The following NCAM1 variants were observed in gnomAD, a reference collection of about 807,000 sequenced individuals.
NCAM1 encodes the protein neural cell adhesion molecule 1.
NCAM1 carries 14 observed loss-of-function variants against 109.8 expected under a neutral mutation model. That is an observed-to-expected ratio of 0.13 (90% CI 0.08 to 0.20). The LOEUF (loss-of-function observed/expected upper bound fraction) is 0.20, where lower values mean the gene tolerates loss of function less well. NCAM1 is among the 10% of genes least tolerant of loss of function. The pLI is 1.00. For missense variants in NCAM1, 774 were observed against 1,109.9 expected, an observed-to-expected ratio of 0.70 and a Z score of 4.30; for synonymous variants, 418 against 442.9, an observed-to-expected ratio of 0.94 and a Z score of 0.70.
intron 1 of NCAM1, among the ~76,000 whole-genome samples, chr11:113,193,043 T>A (rs1943733035): frequency 6.6e-6 from 1 of 152,228 alleles, no homozygotes. Context: ...TATATAAGAC[T>A]GGGCTGATGT....
In NCAM1 at chr11:113,229,281, A is replaced by G. The variant is rs1944934829; in HGVS notation, c.1090-2364A>G. 2.0e-5 allele frequency among the ~76,000 whole-genome samples: 3 copies of G among 152,232 alleles called. No individual in the cohort carries two copies. In the South Asian group the frequency reaches 6.2e-4, roughly 31 times the overall value. ...ATCAAAAAGTGGGCAAAGGATATGA[A>G]CGACACTTCTCAAAAGAAGATATTT... On this transcript the variant is annotated intron_variant, in intron 9 of 19. Coordinates refer to ENST00000316851, the MANE Select transcript of NCAM1 (RefSeq NM_181351.5).
chr11:113,215,969 T>C (rs1944515440), intron 8 of NCAM1, among the ~76,000 whole-genome samples: 1 of 152,296 alleles, frequency 6.6e-6, no homozygotes, highest in Non-Finnish European at 1.5e-5. Flanking sequence ...CCAGTGTATA[T>C]CTTTGACCTA....
At chr11:113,109,973 T>C (rs1555093314) in intron 1 of NCAM1, among the ~76,000 whole-genome samples, 1 of 152,188 alleles carries the variant, frequency 6.6e-6, no homozygotes, top group Non-Finnish European at 1.5e-5. Flanking sequence ...CATGCATACA[T>C]ATACAGGGAG....
intron 1 of NCAM1, among the ~76,000 whole-genome samples, chr11:113,097,853 T>C (rs1156787167): frequency 6.6e-6 from 1 of 152,178 alleles, no homozygotes; most frequent in Non-Finnish European, 1.5e-5. Flanking sequence ...TTGTGTTAAG[T>C]GTATGAGAAA....
chr11:113,062,971 A>G (rs1937745959), intron 1 of NCAM1, among the ~76,000 whole-genome samples: 2 of 152,100 alleles, frequency 1.3e-5, no homozygotes, highest in South Asian at 4.2e-4. Flanking sequence ...CCATCTCACA[A>G]AAAAGGAAGG....
chr11:113,077,157 G>A (rs1345968600), intron 1 of NCAM1, among the ~76,000 whole-genome samples: 1 of 152,144 alleles, frequency 6.6e-6, no homozygotes, highest in Non-Finnish European at 1.5e-5. Flanking sequence ...GGTGGAGGAG[G>A]CAGAATTGTC....
chr11:113,001,033 A>G (rs1951741665), intron 1 of NCAM1, among the ~76,000 whole-genome samples: 1 of 152,102 alleles, frequency 6.6e-6, no homozygotes, highest in Non-Finnish European at 1.5e-5. Flanking sequence ...AAATCCCAAA[A>G]TAGAAATTCT....
intron 9 of NCAM1, among the ~76,000 whole-genome samples, chr11:113,228,636 G>A (rs1944916546): frequency 6.6e-6 from 1 of 152,138 alleles, no homozygotes; most frequent in African/African-American, 2.4e-5. Context: ...TCAATCCTAA[G>A]CCAAAAGAAC....
At chr11:113,139,418 C>CTT (rs111460129) in intron 1 of NCAM1, among the ~76,000 whole-genome samples, 4 of 147,970 alleles carry the variant, frequency 2.7e-5, no homozygotes, top group African/African-American at 5.0e-5. Context: ...CACATGAAGT[C>CTT]TTTTTTTTTT....
chr11:112,982,866 G>A (rs187673064), intron 1 of NCAM1, among the ~76,000 whole-genome samples: 7 of 151,970 alleles, frequency 4.6e-5, no homozygotes, highest in East Asian at 3.9e-4. Flanking sequence ...CAGGTATACC[G>A]CTGGAAATAG....
intron 1 of NCAM1, among the ~76,000 whole-genome samples, chr11:113,186,284 A>G (rs1480182116): frequency 6.6e-6 from 1 of 152,162 alleles, no homozygotes; most frequent in Admixed American, 6.5e-5. Flanking sequence ...AGATTCTCAT[A>G]GAAGTGCGTG....
chr11:113,233,261 A>C lies in NCAM1; in HGVS notation c.1637A>C (p.Glu546Ala), dbSNP rs1945063427. ...GTGCCCATCCTCAAATACAAAGCTG[A>C]GTGGAGAGCAGTTGGTGAAGAAGTA... The part of the protein sequence containing the change: ...GGVPILKYKA[E>A]WRAVGEEVWH... Residue 546 changes from glutamate to alanine, a missense_variant, in exon 13 of 20, where the codon GAG (glutamate) becomes GCG (alanine). Coordinates refer to ENST00000316851, the MANE Select transcript of NCAM1 (RefSeq NM_181351.5). The surrounding 1 kb of genome is among the most constrained non-coding windows in gnomAD (Gnocchi z 4.5). The C allele has an allele frequency of 6.2e-7, 1 of 1,613,634 alleles. No homozygotes were observed.
Position 112,990,179 on chromosome 11 carries a change from A to C in NCAM1, c.52+28515A>C, listed in dbSNP as rs1555070367. On this transcript the variant is annotated intron_variant, in intron 1 of 19. Coordinates refer to ENST00000316851, the MANE Select transcript of NCAM1 (RefSeq NM_181351.5). Reference sequence around the variant, plus strand: ...GTTCTGGGATGAAGGTCAGCTTTACAGTCTGTAGAGAGCAGGCTTGATTAC... The same window carrying C: ...GTTCTGGGATGAAGGTCAGCTTTACCGTCTGTAGAGAGCAGGCTTGATTAC... Among the ~76,000 whole-genome samples, 3 of 152,164 alleles carry C rather than the reference A, an allele frequency of 2.0e-5. No homozygotes were observed. The South Asian group carries it at 6.2e-4, about 31-fold the overall frequency.
chr11:112,973,961 T>TG (rs1555067250), intron 1 of NCAM1, among the ~76,000 whole-genome samples: 1 of 152,054 alleles, frequency 6.6e-6, no homozygotes, highest in African/African-American at 2.4e-5. Flanking sequence ...AAATTAAAAG[T>TG]GGTTTATCTA....
intron 15 of NCAM1, among the ~76,000 whole-genome samples, chr11:113,249,749 G>T (rs1264843260): frequency 6.6e-6 from 1 of 152,180 alleles, no homozygotes; most frequent in Non-Finnish European, 1.5e-5. Context: ...CAATTAATCT[G>T]TTGGTGTTTT....
At chr11:113,138,679 C>T (rs1470941823) in intron 1 of NCAM1, among the ~76,000 whole-genome samples, 1 of 152,136 alleles carries the variant, frequency 6.6e-6, no homozygotes, top group Non-Finnish European at 1.5e-5. Context: ...ATGTGATTTT[C>T]TTTGTATTTT....
chr11:112,965,241 C>T (rs187549479), intron 1 of NCAM1, among the ~76,000 whole-genome samples: 2,159 of 144,854 alleles, frequency 0.015, 20 homozygotes, highest in Middle Eastern at 0.044. Context: ...ATAGTAATTG[C>T]AAAGAAAAAA....
chr11:113,230,502 G>A (rs1944973671), intron 9 of NCAM1, among the ~76,000 whole-genome samples: 1 of 152,230 alleles, frequency 6.6e-6, no homozygotes, highest in South Asian at 2.1e-4. Context: ...TGCTGAACAA[G>A]GCTAGTGATG....
intron 1 of NCAM1, among the ~76,000 whole-genome samples, chr11:112,982,510 A>G (rs2134693773): frequency 6.6e-6 from 1 of 151,958 alleles, no homozygotes; most frequent in Non-Finnish European, 1.5e-5. Context: ...GGGAGAGATT[A>G]CAGTCTGGAA....
Sources: allele counts gnomAD v4.1 joint callset (sites outside exome capture counted in the v4.1 genomes callset), GRCh38; gene constraint gnomAD v4.1.1; non-coding constraint Gnocchi (gnomAD v3.1); transcripts MANE v1.5; gene names NCBI Gene and HGNC (gene_info 2026-07-23, HGNC 2026-07-21).